NELL1: variants seen among roughly 807,000 people sequenced by gnomAD.
NELL1 encodes neural EGFL like 1.
In NELL1, 76 loss-of-function variants were observed where a neutral mutation model predicts 107.4. That is an observed-to-expected ratio of 0.71 (90% CI 0.59 to 0.86). The LOEUF (loss-of-function observed/expected upper bound fraction) is 0.86, where lower values mean the gene tolerates loss of function less well. Among genes scored for constraint, NELL1 ranks in the 40% least tolerant of loss-of-function variants. The probability of loss-of-function intolerance (pLI) is 0.00; values close to 1 mark genes in which losing one functional copy is unlikely to be tolerated. For missense variants in NELL1, 1,024 were observed against 1,005.5 expected (o/e 1.02, Z -0.25); for synonymous variants, 353 against 341.2 (o/e 1.03, Z -0.38).
chr11:21,241,359 A>G (rs1489479276), intron 14 of NELL1, among the ~76,000 whole-genome samples: 1 of 152,126 alleles, frequency 6.6e-6, no homozygotes, highest in Non-Finnish European at 1.5e-5. Context: ...TGGGCAGAGT[A>G]TTTGCCTTAA....
At chr11:21,275,196 A>C (rs1209789772) in intron 14 of NELL1, among the ~76,000 whole-genome samples, 3 of 152,248 alleles carry the variant, frequency 2.0e-5, no homozygotes, top group Non-Finnish European at 4.4e-5. Flanking sequence ...AAATAGACGC[A>C]ATAAAAAATG....
At chr11:21,069,508 G>A (rs1345835474) in intron 12 of NELL1, among the ~76,000 whole-genome samples, 1 of 152,076 alleles carries the variant, frequency 6.6e-6, no homozygotes, top group African/African-American at 2.4e-5. Flanking sequence ...GGAGGGAGGA[G>A]GAATGGAAGG....
intron 2 of NELL1, among the ~76,000 whole-genome samples, chr11:20,729,153 A>G (rs1855573532): frequency 6.6e-6 from 1 of 151,610 alleles, no homozygotes; most frequent in African/African-American, 2.4e-5. Context: ...TTTAACATTG[A>G]TTTTGTGTCA....
chr11:21,125,210 A>C (rs1312674987), intron 13 of NELL1, among the ~76,000 whole-genome samples: 1 of 152,186 alleles, frequency 6.6e-6, no homozygotes, highest in Non-Finnish European at 1.5e-5. Flanking sequence ...GGCCAAGACA[A>C]AGAGAGATAC....
At chr11:21,516,890 C>A (rs556312889) in intron 15 of NELL1, among the ~76,000 whole-genome samples, 9 of 151,846 alleles carry the variant, frequency 5.9e-5, no homozygotes, top group Admixed American at 1.3e-4. Flanking sequence ...GTGCAACCTC[C>A]GTCTCCCAGG....
At chr11:21,114,667 T>C (rs1331518696) in intron 13 of NELL1, among the ~76,000 whole-genome samples, 1 of 152,042 alleles carries the variant, frequency 6.6e-6, no homozygotes, top group East Asian at 1.9e-4. Flanking sequence ...AAGTTACTAT[T>C]CTTTGGGTGA....
chr11:21,237,542 A>T (rs1348166325), intron 14 of NELL1, among the ~76,000 whole-genome samples: 1 of 151,922 alleles, frequency 6.6e-6, no homozygotes, highest in South Asian at 2.1e-4. Flanking sequence ...AATATTTTTT[A>T]CTTGCCGGAA....
chr11:20,763,697 C>A (rs1856471064), intron 2 of NELL1, among the ~76,000 whole-genome samples: 1 of 152,208 alleles, frequency 6.6e-6, no homozygotes, highest in Admixed American at 6.5e-5. Flanking sequence ...CTCTGCCGAG[C>A]CACAGCGAGG....
At chr11:20,959,466 A>G (rs557609707) in intron 11 of NELL1, among the ~76,000 whole-genome samples, 1 of 152,340 alleles carries the variant, frequency 6.6e-6, no homozygotes, top group African/African-American at 2.4e-5. Flanking sequence ...TGTGATATAG[A>G]TGATGGAATA....
chr11:21,117,050 T>C (rs76540429), intron 13 of NELL1, among the ~76,000 whole-genome samples: 1 of 151,976 alleles, frequency 6.6e-6, no homozygotes, highest in African/African-American at 2.4e-5. Context: ...CTGACCTTTG[T>C]CTTTTTCTCC....
chr11:21,071,755 G>A (rs745723496), intron 12 of NELL1, among the ~76,000 whole-genome samples: 5 of 152,150 alleles, frequency 3.3e-5, no homozygotes, highest in South Asian at 4.1e-4. Context: ...ATCAAAGCTC[G>A]GCTCTAAGAG....
At chr11:20,945,935 T>C (rs1278053233) in intron 10 of NELL1, among the ~76,000 whole-genome samples, 6 of 152,012 alleles carry the variant, frequency 3.9e-5, no homozygotes, top group African/African-American at 7.3e-5. Flanking sequence ...TTGGGAAAGA[T>C]TGGGAATAAA....
rs1427014424 is a variant in NELL1 at position 20,775,595 on chromosome 11, A to T, written c.185-8085A>T. Among the ~76,000 whole-genome samples the T allele has an allele frequency of 2.0e-5, 3 of 151,650 alleles. No individual in the cohort carries two copies. The East Asian group carries it at 5.8e-4, about 29-fold the overall frequency. On this transcript the variant is annotated intron_variant, in intron 2 of 19. Transcript: ENST00000357134. ...CTGAGATGCGGTGGGAGGTATGGGG[A>T]TGAGGGGGATGGGGATAAGGGGACT... is the stretch of plus-strand genomic sequence containing the variant.
intron 13 of NELL1, among the ~76,000 whole-genome samples, chr11:21,202,364 A>G (rs1857289337): frequency 6.6e-6 from 1 of 152,034 alleles, no homozygotes. Flanking sequence ...GGAGGTATAT[A>G]TGTCCAGGAA....
At chr11:21,497,973 G>A (rs1190213834) in intron 15 of NELL1, among the ~76,000 whole-genome samples, 1 of 151,262 alleles carries the variant, frequency 6.6e-6, no homozygotes, top group African/African-American at 2.4e-5. Flanking sequence ...CTCCTTCTTT[G>A]TCTGTTACTT....
At chr11:21,370,739 C>T (rs1851339271) in intron 14 of NELL1, 114 bp from the exon 15 acceptor site, 1 of 727,998 alleles carries the variant, frequency 1.4e-6, no homozygotes, top group Non-Finnish European at 2.4e-6. Context: ...TGTATCAATA[C>T]AGATGTGTAT....
intron 15 of NELL1, among the ~76,000 whole-genome samples, chr11:21,467,928 G>A (rs180697410): frequency 6.6e-6 from 1 of 151,996 alleles, no homozygotes. Flanking sequence ...CCCCTTGCAA[G>A]CTTTAGGGCT....
chr11:21,035,664 G>T (rs1043952344), intron 12 of NELL1, among the ~76,000 whole-genome samples: 1 of 152,002 alleles, frequency 6.6e-6, no homozygotes, highest in Non-Finnish European at 1.5e-5. Flanking sequence ...TGCAGAAAAA[G>T]CTTTCAATAA....
chr11:21,380,855 GAA>G, intron 15 of NELL1, among the ~76,000 whole-genome samples: 1 of 152,150 alleles, frequency 6.6e-6, no homozygotes, highest in Admixed American at 6.6e-5. Context: ...CTAGTATACT[GAA>G]AAGAGTACTG....
Sources: allele counts gnomAD v4.1 joint callset (sites outside exome capture counted in the v4.1 genomes callset), GRCh38; gene constraint gnomAD v4.1.1; transcripts MANE v1.5; gene names NCBI Gene and HGNC (gene_info 2026-07-23, HGNC 2026-07-21).